IMMP2L: variants seen among roughly 807,000 people sequenced by gnomAD.
IMMP2L encodes the protein mitochondrial inner membrane protease subunit 2.
A neutral mutation model predicts 19.3 loss-of-function variants in IMMP2L; 18 were observed. That is an observed-to-expected ratio of 0.93 (90% CI 0.64 to 1.38). IMMP2L has a LOEUF of 1.38. IMMP2L is among the 40% of genes most tolerant of loss of function. The pLI is 0.00. For missense variants in IMMP2L, 233 were observed against 218.2 expected, an observed-to-expected ratio of 1.07 and a Z score of -0.43; for synonymous variants, 76 against 73.0, an observed-to-expected ratio of 1.04 and a Z score of -0.21.
At chr7:110,930,049 G>A (rs1048628693) in intron 4 of IMMP2L, among the ~76,000 whole-genome samples, 3 of 152,154 alleles carry the variant, frequency 2.0e-5, no homozygotes, top group African/African-American at 4.8e-5. Flanking sequence ...AGGCTAATGA[G>A]TATACTGTGC....
rs1824092848 is a variant in IMMP2L at position 111,004,596 on chromosome 7, ACT to A, written c.240-41033_240-41032del. Among the ~76,000 whole-genome samples the A allele has an allele frequency of 2.0e-5, 3 of 151,800 alleles. No homozygotes were observed. The East Asian group carries it at 5.8e-4, about 29-fold the overall frequency. On this transcript the variant is annotated intron_variant, in intron 3 of 5. Coordinates refer to ENST00000405709, the MANE Select transcript of IMMP2L (RefSeq NM_032549.4). ...TGCAAAATAGATCTTCTGATGAGAAACTCAACATTATCCCTAGAATTAAAGCA... is the reference window on the plus strand; with the variant it reads ...TGCAAAATAGATCTTCTGATGAGAAACAACATTATCCCTAGAATTAAAGCA...
chr7:111,290,216 ATTAG>A (rs775608762), intron 3 of IMMP2L, among the ~76,000 whole-genome samples: 5 of 152,144 alleles, frequency 3.3e-5, no homozygotes, highest in Admixed American at 6.6e-5. Context: ...TTGATCCACC[ATTAG>A]GTATCATGTG....
chr7:111,291,188 TG>T (rs1821065790), intron 3 of IMMP2L, among the ~76,000 whole-genome samples: 2 of 152,110 alleles, frequency 1.3e-5, no homozygotes, highest in Non-Finnish European at 2.9e-5. Context: ...TCTTGCAATT[TG>T]GGGTGATTCA....
At chr7:111,509,003 T>C (rs1845199337) in intron 2 of IMMP2L, among the ~76,000 whole-genome samples, 2 of 152,080 alleles carry the variant, frequency 1.3e-5, no homozygotes, top group Admixed American at 1.3e-4. Context: ...GACAAAGAGA[T>C]GGGAAATAAA....
chr7:111,045,252 T>C (rs1792285766), intron 3 of IMMP2L, among the ~76,000 whole-genome samples: 1 of 152,194 alleles, frequency 6.6e-6, no homozygotes, highest in Non-Finnish European at 1.5e-5. Flanking sequence ...CCCTCACCTG[T>C]CAGACTCAAT....
At chr7:111,071,750 C>T (rs1298773222) in intron 3 of IMMP2L, among the ~76,000 whole-genome samples, 1 of 151,982 alleles carries the variant, frequency 6.6e-6, no homozygotes, top group Non-Finnish European at 1.5e-5. Context: ...GAAATAACTG[C>T]TTAATGGGTA....
intron 3 of IMMP2L, among the ~76,000 whole-genome samples, chr7:111,431,918 T>A (rs1836667989): frequency 6.6e-6 from 1 of 151,274 alleles, no homozygotes; most frequent in Admixed American, 6.6e-5. Flanking sequence ...TTTTCCAAAC[T>A]TTCCTCAGAT....
intron 3 of IMMP2L, among the ~76,000 whole-genome samples, chr7:111,359,456 C>G (rs1829046773): frequency 6.6e-6 from 1 of 152,030 alleles, no homozygotes; most frequent in African/African-American, 2.4e-5. Flanking sequence ...CACCCGCCAC[C>G]ACTCCTGGCT....
chr7:110,680,571 A>G (rs1000557896), intron 5 of IMMP2L, among the ~76,000 whole-genome samples: 1 of 152,150 alleles, frequency 6.6e-6, no homozygotes, highest in Non-Finnish European at 1.5e-5. Context: ...GAAGTTTTAA[A>G]TGTGCACATG....
intron 3 of IMMP2L, among the ~76,000 whole-genome samples, chr7:111,229,469 T>G (rs1216264347): frequency 6.6e-6 from 1 of 152,066 alleles, no homozygotes; most frequent in African/African-American, 2.4e-5. Flanking sequence ...AAATTATCCC[T>G]GGTTTCTGAT....
chr7:110,739,279 A>G (rs867785428), intron 5 of IMMP2L, among the ~76,000 whole-genome samples: 2 of 152,192 alleles, frequency 1.3e-5, no homozygotes, highest in East Asian at 1.9e-4. Context: ...GGCAGAATGT[A>G]TAAGAATTCA....
chr7:111,142,339 A>G (rs28564193), intron 3 of IMMP2L, among the ~76,000 whole-genome samples: 1,438 of 11,796 alleles, frequency 0.12, 83 homozygotes, highest in African/African-American at 0.14. Flanking sequence ...AAAAAAAAAA[A>G]AAAAGAAAGA....
chr7:111,519,871 G>A (rs1467068175), intron 2 of IMMP2L, among the ~76,000 whole-genome samples: 2 of 151,756 alleles, frequency 1.3e-5, no homozygotes, highest in African/African-American at 4.8e-5. Flanking sequence ...ACAAAATTGG[G>A]GGAAAAAAAA....
At chr7:111,178,824 C>T (rs183238758) in intron 3 of IMMP2L, among the ~76,000 whole-genome samples, 19 of 152,136 alleles carry the variant, frequency 1.2e-4, no homozygotes, top group Non-Finnish European at 2.4e-4. Flanking sequence ...TTACTCTCTC[C>T]ACTTATGTCT....
At chr7:111,358,295 G>A (rs923749706) in intron 3 of IMMP2L, among the ~76,000 whole-genome samples, 1 of 151,260 alleles carries the variant, frequency 6.6e-6, no homozygotes, top group African/African-American at 2.4e-5. Context: ...CAGGAACTGA[G>A]GATAAATCAT....
chr7:111,206,358 A>G (rs771688924), intron 3 of IMMP2L, among the ~76,000 whole-genome samples: 18 of 152,216 alleles, frequency 1.2e-4, no homozygotes, highest in Non-Finnish European at 2.5e-4. Context: ...AGATACATTA[A>G]GTCCAGAATT....
chr7:110,787,572 T>A (rs1006832481), intron 5 of IMMP2L, among the ~76,000 whole-genome samples: 1 of 151,858 alleles, frequency 6.6e-6, no homozygotes, highest in African/African-American at 2.4e-5. Flanking sequence ...TCCCCAGGAG[T>A]CTCAAAGTGA....
At chr7:110,677,184 T>C (rs535233781) in intron 5 of IMMP2L, among the ~76,000 whole-genome samples, 1 of 152,136 alleles carries the variant, frequency 6.6e-6, no homozygotes, top group Non-Finnish European at 1.5e-5. Context: ...ATAAATAGCA[T>C]AACATTGAGA....
intron 4 of IMMP2L, among the ~76,000 whole-genome samples, chr7:110,946,718 C>CT (rs754971058): frequency 0.045 from 5,169 of 113,762 alleles, 505 homozygotes; most frequent in African/African-American, 0.14. Context: ...CATTTAATAC[C>CT]TTTTTTTTTT....
Sources: gnomAD v4.1 joint callset for allele counts (sites outside exome capture counted in the v4.1 genomes callset) on GRCh38, gnomAD v4.1.1 for gene constraint, MANE v1.5 for transcripts, NCBI Gene and HGNC (gene_info 2026-07-23, HGNC 2026-07-21) for gene names.